Variants in SMCO3 observed in about 807,000 individuals in gnomAD.
The protein encoded by SMCO3 is single-pass membrane protein with coiled-coil domains 3.
Under a neutral mutation model 12.0 loss-of-function variants are expected in SMCO3, and 6 were observed. That is an observed-to-expected ratio of 0.50 (90% CI 0.27 to 0.99). The LOEUF (loss-of-function observed/expected upper bound fraction) is 0.99, where lower values mean the gene tolerates loss of function less well. Ranked by LOEUF, SMCO3 falls within the 50% of genes least tolerant of loss-of-function variation. The pLI is 0.11. For synonymous variants in SMCO3, 96 were observed against 96.4 expected (o/e 1.00, Z 0.02); for missense variants, 279 against 265.0 (o/e 1.05, Z -0.37).
intron 1 of SMCO3, among the ~76,000 whole-genome samples, chr12:14,807,331 A>T (rs1565678909): frequency 6.6e-6 from 1 of 152,148 alleles, no homozygotes; most frequent in Non-Finnish European, 1.5e-5. Flanking sequence ...TTTTATTTGA[A>T]ACAGACCCCA....
chr12:14,809,993 C>G (rs753519722), intron 1 of SMCO3, among the ~76,000 whole-genome samples: 1 of 152,210 alleles, frequency 6.6e-6, no homozygotes, highest in African/African-American at 2.4e-5. Context: ...TAGTCTTGCT[C>G]TTGCACTTGC....
Position 14,805,903 on chromosome 12 carries a change from C to T in SMCO3, c.*100G>A. On this transcript the variant is annotated 3_prime_UTR_variant, in exon 2 of 2. Coordinates refer to ENST00000316048, the MANE Select transcript of SMCO3 (RefSeq NM_001013698.2). ...TCCAAATTGTTTATCTTATTTAAGTCCATATTGGAAGCCTATAGAAAATGA... is the reference window on the plus strand; with the variant it reads ...TCCAAATTGTTTATCTTATTTAAGTTCATATTGGAAGCCTATAGAAAATGA... 1 of 1,178,032 alleles carries T rather than the reference C, an allele frequency of 8.5e-7. No homozygotes were observed. The allele number at this position is 1,178,032 out of a possible 1,614,324, so 73.0% of individuals were successfully genotyped here. A position where few individuals can be genotyped will look rare whatever the true frequency, so the allele number is the denominator to read the frequency against.
chr12:14,812,673 C>T (rs543056471), intron 1 of SMCO3, among the ~76,000 whole-genome samples: 2 of 151,916 alleles, frequency 1.3e-5, no homozygotes, highest in East Asian at 1.9e-4. Context: ...TGATATGTAT[C>T]GTAAATTGCA....
intron 1 of SMCO3, among the ~76,000 whole-genome samples, chr12:14,810,003 C>T (rs1037374012): frequency 3.3e-5 from 5 of 152,184 alleles, no homozygotes; most frequent in African/African-American, 1.2e-4. Context: ...CTTGCACTTG[C>T]GCTTAGACTC....
At chr12:14,812,448 A>G (rs1229181014) in intron 1 of SMCO3, among the ~76,000 whole-genome samples, 1 of 152,300 alleles carries the variant, frequency 6.6e-6, no homozygotes, top group East Asian at 1.9e-4. Flanking sequence ...CGTCTCAAAA[A>G]AAAAAAAAAT....
At position 14,804,791 on chromosome 12, in the gene SMCO3, C is replaced by T. The variant is rs1457257289; in HGVS notation, c.*1212G>A. On this transcript the variant is annotated 3_prime_UTR_variant, in exon 2 of 2. Transcript: ENST00000316048. ...CAGTGTATGTTGGAAATATTAAAGT[C>T]TTTCATGTAGCTAAAATTTTATATG... 6.6e-6 allele frequency: 1 copy of T among 152,158 alleles called. No homozygotes were observed. The highest frequency in any genetic ancestry group is 2.4e-5 in the African/African-American group (1 of 41,444). 9.4% of individuals were successfully genotyped at this position (152,158 alleles called of 1,614,324 possible). A position where few individuals can be genotyped will look rare whatever the true frequency, so the allele number is the denominator to read the frequency against.
chr12:14,806,187 A>G lies in SMCO3; in HGVS notation c.494T>C (p.Val165Ala), dbSNP rs779977624. The stretch of plus-strand genomic sequence containing the variant: ...ATCTATGCCAAGGCCAAGAACAGCA[A>G]CTCCAATACTACCAAGGAGAGAAGC... ...IGASLLGSIG[V>A]AVLGLGIDMI... The change falls in exon 2 of 2, where the codon GTT (valine) becomes GCT (alanine). Residue 165 changes from valine (V) to alanine (A), a missense_variant. Physicochemically the swap from Val to Ala is moderately conservative, Grantham distance 64 (BLOSUM62 0). Transcript: ENST00000316048. 3.1e-6 allele frequency: 5 copies of G among 1,614,086 alleles called. No individual in the cohort carries two copies. The highest frequency in any genetic ancestry group is 4.2e-6 in the Non-Finnish European group (5 of 1,180,036).
intron 1 of SMCO3, among the ~76,000 whole-genome samples, chr12:14,811,792 T>G (rs1409167353): frequency 5.9e-5 from 9 of 152,244 alleles, no homozygotes; most frequent in Admixed American, 4.6e-4. Context: ...CTTTCGTGAA[T>G]AACAGTAGTG....
At chr12:14,814,005 G>A (rs1160156852) in intron 1 of SMCO3, 121 bp downstream of exon 1, 1 of 152,036 alleles carries the variant, frequency 6.6e-6, no homozygotes, top group Non-Finnish European at 1.5e-5. Flanking sequence ...TAACAAAGCT[G>A]TTTTTTTACT....
Position 14,805,971 on chromosome 12 carries a change from A to T in SMCO3, c.*32T>A. The T allele has an allele frequency of 1.3e-6, 2 of 1,559,190 alleles. No individual in the cohort carries two copies. Among genetic ancestry groups the T allele is most frequent in the Non-Finnish European group, 8.7e-7 (1 of 1,153,110 alleles). On this transcript the variant is annotated 3_prime_UTR_variant, in exon 2 of 2. Transcript: ENST00000316048. ...AACACTGTTACTGAAAAGGAAGCAG[A>T]AAAACACTTCAGTGGCAAATAAAAC...
At position 14,805,997 on chromosome 12, in the gene SMCO3, G is replaced by T. The variant is rs530744026; in HGVS notation, c.*6C>A. 394 of 1,591,744 alleles carry T rather than the reference G, an allele frequency of 2.5e-4. 5 individuals are homozygous for T. The South Asian group carries it at 4.2e-3, about 17-fold the overall frequency. ...AAAACACTTCAGTGGCAAATAAAAC[G>T]GCTGTTCATTTCATTTGGTGTTTCA... On this transcript the variant is annotated 3_prime_UTR_variant, in exon 2 of 2. Transcript: ENST00000316048.
At chr12:14,807,953 G>T (rs1950079059) in intron 1 of SMCO3, among the ~76,000 whole-genome samples, 1 of 152,086 alleles carries the variant, frequency 6.6e-6, no homozygotes, top group Non-Finnish European at 1.5e-5. Flanking sequence ...ATAACTTGAG[G>T]CCAGGAGTTC....
At chr12:14,809,981 A>G (rs1372607948) in intron 1 of SMCO3, among the ~76,000 whole-genome samples, 1 of 152,260 alleles carries the variant, frequency 6.6e-6, no homozygotes, top group Non-Finnish European at 1.5e-5. Context: ...CCTCCTTTTA[A>G]GTAGTCTTGC....
Position 14,805,931 on chromosome 12 carries a change from C to G in SMCO3, c.*72G>C. ...TATTGGAAGCCTATAGAAAATGAAC[C>G]TAATCAAAGAAGCAAACACTGTTAC... On this transcript the variant is annotated 3_prime_UTR_variant, in exon 2 of 2. Transcript: ENST00000316048. The G allele has an allele frequency of 2.1e-6, 3 of 1,426,582 alleles. No homozygotes were observed. The highest frequency in any genetic ancestry group is 1.9e-6 in the Non-Finnish European group (2 of 1,050,622). 88.4% of individuals were successfully genotyped at this position (1,426,582 alleles called of 1,614,324 possible). A position where few individuals can be genotyped will look rare whatever the true frequency, so the allele number is the denominator to read the frequency against.
intron 1 of SMCO3, among the ~76,000 whole-genome samples, chr12:14,807,908 G>A (rs539132940): frequency 5.2e-4 from 79 of 152,322 alleles, no homozygotes; most frequent in Non-Finnish European, 7.8e-4. Flanking sequence ...GCTCAGGCCT[G>A]TAATCCCAGC....
At position 14,805,979 on chromosome 12, in the gene SMCO3, T is replaced by C; in HGVS notation, c.*24A>G. 1 of 1,575,700 alleles carries C rather than the reference T, an allele frequency of 6.3e-7. No homozygotes were observed. The highest frequency in any genetic ancestry group is 8.6e-7 in the Non-Finnish European group (1 of 1,160,628). On this transcript the variant is annotated 3_prime_UTR_variant, in exon 2 of 2. Transcript: ENST00000316048. Reference sequence around the variant, plus strand: ...TACTGAAAAGGAAGCAGAAAAACACTTCAGTGGCAAATAAAACGGCTGTTC... The same window carrying C: ...TACTGAAAAGGAAGCAGAAAAACACCTCAGTGGCAAATAAAACGGCTGTTC...
intron 1 of SMCO3, among the ~76,000 whole-genome samples, chr12:14,808,447 G>A (rs1402878494): frequency 6.6e-6 from 1 of 151,970 alleles, no homozygotes; most frequent in Non-Finnish European, 1.5e-5. Context: ...GTGGAATCTG[G>A]CACAGCCTCT....
At chr12:14,810,835 T>G (rs1300764721) in intron 1 of SMCO3, among the ~76,000 whole-genome samples, 2 of 152,212 alleles carry the variant, frequency 1.3e-5, no homozygotes, top group African/African-American at 4.8e-5. Context: ...AATTTAGTTC[T>G]GACTCCCAAA....
chr12:14,805,910 G>A lies in SMCO3; in HGVS notation c.*93C>T. ...TGTTTATCTTATTTAAGTCCATATT[G>A]GAAGCCTATAGAAAATGAACCTAAT... On this transcript the variant is annotated 3_prime_UTR_variant, in exon 2 of 2. Coordinates refer to ENST00000316048, the MANE Select transcript of SMCO3 (RefSeq NM_001013698.2). 4.0e-6 allele frequency: 5 copies of A among 1,242,254 alleles called. 1 individual carries two copies. The South Asian group carries it at 7.4e-5, about 18-fold the overall frequency. The allele number at this position is 1,242,254 out of a possible 1,614,324, so 77.0% of individuals were successfully genotyped here. A position where few individuals can be genotyped will look rare whatever the true frequency, so the allele number is the denominator to read the frequency against.
Sources: gnomAD v4.1 joint callset for allele counts (sites outside exome capture counted in the v4.1 genomes callset) on GRCh38, gnomAD v4.1.1 for gene constraint, MANE v1.5 for transcripts, NCBI Gene and HGNC (gene_info 2026-07-23, HGNC 2026-07-21) for gene names.